MIER2: variants seen among roughly 807,000 people sequenced by gnomAD.
MIER2 encodes the protein MIER family member 2.
Under a neutral mutation model 67.6 loss-of-function variants are expected in MIER2, and 30 were observed. The ratio of observed to expected loss-of-function variants is 0.44; its 90% confidence interval spans 0.33 to 0.60. The LOEUF is 0.60. Among genes scored for constraint, MIER2 ranks in the 20% least tolerant of loss-of-function variants. MIER2 has a pLI of 0.02. For missense variants in MIER2, 702 were observed against 745.1 expected (o/e 0.94, Z 0.67); for synonymous variants, 372 against 312.6 (o/e 1.19, Z -2.00).
At chr19:328,074 G>A (rs1286604060) in intron 3 of MIER2, 85 bp from the exon 4 acceptor site, 2 of 1,562,870 alleles carry the variant, frequency 1.3e-6, no homozygotes, top group Non-Finnish European at 1.7e-6. Context: ...AGCCTCACTG[G>A]CCACAACCAG....
At chr19:341,313 C>G (rs986557721) in intron 1 of MIER2, among the ~76,000 whole-genome samples, 2 of 152,168 alleles carry the variant, frequency 1.3e-5, no homozygotes, top group African/African-American at 4.8e-5. Context: ...TTGAGATCCA[C>G]ACCGAGTAAC....
At chr19:322,983 A>C (rs1295063267) in intron 7 of MIER2, among the ~76,000 whole-genome samples, 3 of 151,846 alleles carry the variant, frequency 2.0e-5, no homozygotes, top group African/African-American at 7.3e-5. Context: ...AGAGACTCAA[A>C]AACCATGGCA....
chr19:332,224 T>G (rs1972060816), intron 3 of MIER2, among the ~76,000 whole-genome samples: 1 of 152,200 alleles, frequency 6.6e-6, no homozygotes, highest in Admixed American at 6.5e-5. Context: ...GGAGTTTCAC[T>G]GTGTCACTCA....
Position 305,640 on chromosome 19 carries a change from G to C in MIER2, c.*1050C>G, listed in dbSNP as rs1236429918. The C allele has an allele frequency of 6.6e-6, 1 of 152,516 alleles. No individual in the cohort carries two copies. Among genetic ancestry groups the C allele is most frequent in the African/African-American group, 2.4e-5 (1 of 41,444 alleles). The allele number at this position is 152,516 out of a possible 1,614,324, so 9.4% of individuals were successfully genotyped here. A position where few individuals can be genotyped will look rare whatever the true frequency, so the allele number is the denominator to read the frequency against. On this transcript the variant is annotated 3_prime_UTR_variant, in exon 14 of 14. Transcript: ENST00000264819. ...GGTTCAAGGCAGTTATCACTTCACA[G>C]TGTGGTCCTTGGTGGGGTGAGGGAT...
At chr19:327,494 G>A (rs1971815239) in intron 4 of MIER2, among the ~76,000 whole-genome samples, 1 of 152,218 alleles carries the variant, frequency 6.6e-6, no homozygotes, top group East Asian at 1.9e-4. Flanking sequence ...CACACGCCCG[G>A]AGTGCATGGC....
chr19:311,848 G>A lies in MIER2; in HGVS notation c.981C>T (p.Asn327=), dbSNP rs1199247935. 4 of 1,614,024 alleles carry A rather than the reference G, an allele frequency of 2.5e-6. No homozygotes were observed. Among genetic ancestry groups the A allele is most frequent in the Non-Finnish European group, 1.7e-6 (2 of 1,179,920 alleles). ...HGKNFHLIQA[N]KVRTRSVGEC... is the part of the protein sequence containing the mutation. ...AGCCTGGCAGTGGAGTCCGCACCTT[G>A]TTGGCCTGGATCAGGTGAAAGTTCT... The change falls in exon 10 of 14, where the codon AAC becomes AAT. Residue 327 remains asparagine (N), a synonymous_variant. Coordinates refer to ENST00000264819, the MANE Select transcript of MIER2 (RefSeq NM_017550.3).
chr19:311,508 T>C (rs1970998068), intron 10 of MIER2, among the ~76,000 whole-genome samples: 1 of 152,128 alleles, frequency 6.6e-6, no homozygotes, highest in Non-Finnish European at 1.5e-5. Context: ...GGGCCAATGC[T>C]GGACACTGAG....
At position 307,163 on chromosome 19, in the gene MIER2, G is replaced by T. The variant is rs139223158; in HGVS notation, c.1572C>A (p.His524Gln). The change falls in exon 13 of 14, where the codon CAC becomes CAA. Residue 524 changes from histidine (H) to glutamine (Q), a missense_variant. This residue lies in a region of MIER2 where 254 missense variants were observed against 262.8 expected (regional missense o/e 0.97). Coordinates refer to ENST00000264819, the MANE Select transcript of MIER2 (RefSeq NM_017550.3). ...GTAGCCCGGGGGCCGGGCACGTGGG[G>T]TGGGCGGCCAGGAAGGGGTTCACGT... ...IGDVNPFLAAHPTCPAPGLHS... is the reference protein window; with the variant it reads ...IGDVNPFLAAQPTCPAPGLHS... 5.3e-5 allele frequency: 84 copies of T among 1,589,114 alleles called. No individual in the cohort carries two copies. Among genetic ancestry groups the T allele is most frequent in the Non-Finnish European group, 8.6e-7 (1 of 1,168,012 alleles).
chr19:307,256 C>A lies in MIER2; in HGVS notation c.1479G>T (p.Pro493=). Reference sequence around the variant, plus strand: ...CCTGTGCTGGGGCCACAGTCTCCTCCGGATCCCCGCTGAGGTCCACATGGC... The same window carrying A: ...CCTGTGCTGGGGCCACAGTCTCCTCAGGATCCCCGCTGAGGTCCACATGGC... ...ISSHVDLSGD[P]EETVAPAQVA... The change falls in exon 13 of 14, where the codon CCG becomes CCT. Residue 493 remains proline, a synonymous_variant. Coordinates refer to ENST00000264819, the MANE Select transcript of MIER2 (RefSeq NM_017550.3). 1 of 1,595,486 alleles carries A rather than the reference C, an allele frequency of 6.3e-7. No individual in the cohort carries two copies. Among genetic ancestry groups the A allele is most frequent in the Non-Finnish European group, 8.5e-7 (1 of 1,171,444 alleles).
intron 1 of MIER2, among the ~76,000 whole-genome samples, chr19:341,285 GACA>G (rs1330541550): frequency 6.8e-6 from 1 of 146,288 alleles, no homozygotes; most frequent in Non-Finnish European, 1.5e-5. Flanking sequence ...ACGGCAAGTT[GACA>G]ACAGTCCCGC....
intron 7 of MIER2, among the ~76,000 whole-genome samples, chr19:324,239 A>C (rs868535896): frequency 7.9e-6 from 1 of 127,156 alleles, no homozygotes; most frequent in Non-Finnish European, 1.6e-5. Context: ...GCAATACACA[A>C]GACACACACA....
chr19:322,340 A>G (rs1206096530), intron 7 of MIER2, among the ~76,000 whole-genome samples: 1 of 152,230 alleles, frequency 6.6e-6, no homozygotes, highest in Non-Finnish European at 1.5e-5. Flanking sequence ...AGTAGAACAC[A>G]CACACACATT....
chr19:328,025 GGAC>G (rs766866373), intron 3 of MIER2, 36 bp from the exon 4 acceptor site: 3 of 1,608,710 alleles, frequency 1.9e-6, no homozygotes, highest in Non-Finnish European at 2.5e-6. Flanking sequence ...CCATCAGGAG[GGAC>G]GGCTCTGGGG....
intron 7 of MIER2, among the ~76,000 whole-genome samples, chr19:320,873 C>T (rs965268844): frequency 2.0e-5 from 3 of 152,216 alleles, no homozygotes; most frequent in Non-Finnish European, 2.9e-5. Context: ...CCAGAGCTTG[C>T]GCCTGAGTGG....
At chr19:336,626 C>T (rs1972270252) in intron 1 of MIER2, among the ~76,000 whole-genome samples, 1 of 152,114 alleles carries the variant, frequency 6.6e-6, no homozygotes, top group Non-Finnish European at 1.5e-5. Flanking sequence ...GGGAGAGAGA[C>T]AGTGGGAGAG....
intron 7 of MIER2, among the ~76,000 whole-genome samples, chr19:315,237 C>T (rs536704003): frequency 6.8e-4 from 103 of 152,118 alleles, no homozygotes; most frequent in South Asian, 1.2e-3. Context: ...TGGTCATGGG[C>T]GCCTGTAATC....
At chr19:319,647 C>G (rs897674415) in intron 7 of MIER2, among the ~76,000 whole-genome samples, 2 of 152,004 alleles carry the variant, frequency 1.3e-5, no homozygotes, top group East Asian at 3.9e-4. Context: ...TTAGTAGCGA[C>G]AGGGTTTCAC....
Position 308,496 on chromosome 19 carries a change from C to A in MIER2, c.1198+81G>T. 1 of 1,423,218 alleles carries A rather than the reference C, an allele frequency of 7.0e-7. No homozygotes were observed. Among genetic ancestry groups the A allele is most frequent in the South Asian group, 1.3e-5 (1 of 77,052 alleles). 88.2% of individuals were successfully genotyped at this position (1,423,218 alleles called of 1,614,324 possible). A position where few individuals can be genotyped will look rare whatever the true frequency, so the allele number is the denominator to read the frequency against. On this transcript the variant is annotated intron_variant, in intron 12 of 13. Transcript: ENST00000264819. The surrounding 1 kb of genome is among the most constrained non-coding windows in gnomAD (Gnocchi z 9.1). Reference sequence around the variant, plus strand: ...GGCTGGCCCAGCACAGGGCGCCAGGCAGGAGAGGCTCCACCGGGCCTCACT... The same window carrying A: ...GGCTGGCCCAGCACAGGGCGCCAGGAAGGAGAGGCTCCACCGGGCCTCACT...
intron 3 of MIER2, among the ~76,000 whole-genome samples, chr19:329,026 G>A (rs1379334647): frequency 9.9e-5 from 15 of 152,166 alleles, no homozygotes; most frequent in Non-Finnish European, 1.8e-4. Flanking sequence ...CCTCCCTTGT[G>A]TGAGCCTCTA....
Sources: gnomAD v4.1 joint callset for allele counts (sites outside exome capture counted in the v4.1 genomes callset) on GRCh38, gnomAD v4.1.1 for gene constraint, gnomAD v4.1.1 regional missense constraint, Gnocchi (gnomAD v3.1) non-coding constraint, MANE v1.5 for transcripts, NCBI Gene and HGNC (gene_info 2026-07-23, HGNC 2026-07-21) for gene names.